The following HCRTR2 variants were observed in gnomAD, a reference collection of about 807,000 sequenced individuals.
HCRTR2 encodes orexin receptor type 2.
Under a neutral mutation model 49.0 loss-of-function variants are expected in HCRTR2, and 22 were observed. That is an observed-to-expected ratio of 0.45 (90% confidence interval 0.32 to 0.64). The LOEUF (loss-of-function observed/expected upper bound fraction) is 0.64, where lower values mean the gene tolerates loss of function less well. Among genes scored for constraint, HCRTR2 ranks in the 30% least tolerant of loss-of-function variants. The pLI is 0.04. For missense variants in HCRTR2, 491 were observed against 559.4 expected, an observed-to-expected ratio of 0.88 and a Z score of 1.23; for synonymous variants, 236 against 205.3, an observed-to-expected ratio of 1.15 and a Z score of -1.28.
intron 1 of HCRTR2, among the ~76,000 whole-genome samples, chr6:55,192,390 AAC>A (rs149109593): frequency 0.079 from 10,809 of 136,376 alleles, 418 homozygotes; most frequent in East Asian, 0.16. Context: ...CCTTTCTCTA[AAC>A]ACACACACAC....
chr6:55,175,748 A>G (rs1235358393), intron 1 of HCRTR2, among the ~76,000 whole-genome samples: 1 of 152,038 alleles, frequency 6.6e-6, no homozygotes, highest in Non-Finnish European at 1.5e-5. Context: ...GAGTGCGATG[A>G]TGGAATGTAT....
intron 3 of HCRTR2, among the ~76,000 whole-genome samples, chr6:55,257,290 G>C (rs780753695): frequency 6.6e-6 from 1 of 152,014 alleles, no homozygotes; most frequent in African/African-American, 2.4e-5. Context: ...TATTAAACTC[G>C]AGACTAAATT....
intron 5 of HCRTR2, among the ~76,000 whole-genome samples, chr6:55,277,883 A>G (rs541619057): frequency 6.6e-5 from 10 of 152,320 alleles, no homozygotes; most frequent in Non-Finnish European, 1.3e-4. Context: ...TTAGATGCAG[A>G]CAAAGTTCTA....
intron 1 of HCRTR2, among the ~76,000 whole-genome samples, chr6:55,209,645 C>T (rs189839865): frequency 3.3e-5 from 5 of 152,266 alleles, no homozygotes; most frequent in Admixed American, 2.0e-4. Context: ...GGATTCTTCC[C>T]AATGTATTAT....
At chr6:55,141,806 C>G (rs934443454) in intron 1 of HCRTR2, among the ~76,000 whole-genome samples, 1 of 152,066 alleles carries the variant, frequency 6.6e-6, no homozygotes, top group African/African-American at 2.4e-5. Context: ...TGACTAATAA[C>G]TTGTGCATGC....
upstream of HCRTR2, chr6:55,174,154 C>T: frequency 4.7e-6 from 1 of 214,920 alleles, no homozygotes; most frequent in Non-Finnish European, 9.5e-6. Context: ...CTCTCACCCC[C>T]CACCCCCCAA....
chr6:55,233,062 A>G (rs924134579), intron 1 of HCRTR2, among the ~76,000 whole-genome samples: 2 of 152,020 alleles, frequency 1.3e-5, no homozygotes, highest in Non-Finnish European at 2.9e-5. Context: ...AGTGACAGAC[A>G]AAAAATGGAT....
At chr6:55,175,251 C>A (rs1765019210) in intron 1 of HCRTR2, among the ~76,000 whole-genome samples, 1 of 152,104 alleles carries the variant, frequency 6.6e-6, no homozygotes, top group Non-Finnish European at 1.5e-5. Flanking sequence ...GGAGCAAGCT[C>A]TCTGTGGCTG....
intron 1 of HCRTR2, among the ~76,000 whole-genome samples, chr6:55,187,537 G>T (rs1020225809): frequency 6.0e-5 from 9 of 151,092 alleles, no homozygotes; most frequent in African/African-American, 2.2e-4. Context: ...TATTATTACT[G>T]AAAATCAGTA....
intron 1 of HCRTR2, among the ~76,000 whole-genome samples, chr6:55,233,133 C>T (rs187358435): frequency 5.3e-5 from 8 of 150,436 alleles, no homozygotes; most frequent in African/African-American, 7.3e-5. Flanking sequence ...CTGTTGCTCA[C>T]GCTGGAGTGC....
intron 1 of HCRTR2, chr6:55,240,923 G>C: frequency 5.2e-6 from 1 of 190,490 alleles, no homozygotes; most frequent in Non-Finnish European, 1.1e-5. Flanking sequence ...ATTTAATTGA[G>C]ATGGTGTTGG....
intron 1 of HCRTR2, among the ~76,000 whole-genome samples, chr6:55,130,954 C>T (rs1214045548): frequency 1.3e-5 from 2 of 151,664 alleles, no homozygotes; most frequent in Non-Finnish European, 3.0e-5. Context: ...TTAACAATTT[C>T]CAGAAGGAAC....
At chr6:55,192,768 TACTC>T (rs1167093619) in intron 1 of HCRTR2, among the ~76,000 whole-genome samples, 1 of 152,214 alleles carries the variant, frequency 6.6e-6, no homozygotes, top group Non-Finnish European at 1.5e-5. Context: ...TTAATCTACA[TACTC>T]AATCTACGTA....
chr6:55,209,708 A>T (rs979538053), intron 1 of HCRTR2, among the ~76,000 whole-genome samples: 7 of 152,278 alleles, frequency 4.6e-5, no homozygotes, highest in Admixed American at 1.3e-4. Flanking sequence ...TGTTTTTGTA[A>T]ATCTTACCAC....
At chr6:55,135,312 G>A (rs1006843621) in intron 1 of HCRTR2, among the ~76,000 whole-genome samples, 3 of 152,032 alleles carry the variant, frequency 2.0e-5, no homozygotes, top group African/African-American at 7.2e-5. Flanking sequence ...TTTCAGTTTA[G>A]ATAAAACCCA....
intron 1 of HCRTR2, among the ~76,000 whole-genome samples, chr6:55,192,413 G>GCGCGCGCACA (rs139180472): frequency 2.3e-5 from 3 of 128,450 alleles, no homozygotes; most frequent in South Asian, 2.4e-4. Flanking sequence ...GCGCGCGCGC[G>GCGCGCGCACA]CACACACACA....
At chr6:55,208,156 T>C (rs1765634346) in intron 1 of HCRTR2, among the ~76,000 whole-genome samples, 1 of 151,970 alleles carries the variant, frequency 6.6e-6, no homozygotes, top group African/African-American at 2.4e-5. Flanking sequence ...GAATTCTTAA[T>C]TGTATCTGTA....
intron 2 of HCRTR2, among the ~76,000 whole-genome samples, chr6:55,252,115 C>G (rs1367155422): frequency 6.6e-6 from 1 of 152,062 alleles, no homozygotes; most frequent in African/African-American, 2.4e-5. Flanking sequence ...ATTGCACAAG[C>G]AAATATAGTA....
intron 1 of HCRTR2, among the ~76,000 whole-genome samples, chr6:55,150,105 G>T (rs1365719518): frequency 6.6e-6 from 1 of 151,686 alleles, no homozygotes; most frequent in Non-Finnish European, 1.5e-5. Flanking sequence ...CTCTCATTCT[G>T]CTGGCAACAC....
Sources: gnomAD v4.1 joint callset for allele counts (sites outside exome capture counted in the v4.1 genomes callset) on GRCh38, gnomAD v4.1.1 for gene constraint, MANE v1.5 for transcripts, NCBI Gene and HGNC (gene_info 2026-07-23, HGNC 2026-07-21) for gene names.